SMCO1: variants seen among roughly 807,000 people sequenced by gnomAD.
SMCO1 encodes the protein single-pass membrane and coiled-coil domain-containing protein 1.
SMCO1 carries 9 observed loss-of-function variants against 7.5 expected under a neutral mutation model. The ratio of observed to expected loss-of-function variants is 1.20; its 90% CI spans 0.72 to 2.09. The LOEUF is 2.09. Ranked by LOEUF, SMCO1 falls within the 30% of genes most tolerant of loss-of-function variation. The pLI, the probability that SMCO1 is intolerant of heterozygous loss-of-function variation, is 0.00. For missense variants in SMCO1, 219 were observed against 253.1 expected (o/e 0.87, Z 0.91); for synonymous variants, 90 against 93.8 (o/e 0.96, Z 0.23).
rs1733089344 is a variant in SMCO1 at position 196,507,878 on chromosome 3, G to GGT, written c.*7_*8dup. On this transcript the variant is annotated 3_prime_UTR_variant, in exon 3 of 3. Coordinates refer to ENST00000397537, the MANE Select transcript of SMCO1 (RefSeq NM_001077657.3). ...TGTAGGTGGAATCACTGGGTCATAG[G>GGT]GTAACAGGTTAGTTTTTGACAGATG... The GGT allele has an allele frequency of 1.3e-6, 2 of 1,565,000 alleles. No individual in the cohort carries two copies. The highest frequency in any genetic ancestry group is 1.7e-6 in the Non-Finnish European group (2 of 1,143,378).
At chr3:196,516,042 A>T (rs868665923), upstream of SMCO1, among the ~76,000 whole-genome samples, 301 of 97,242 alleles carry the variant, frequency 3.1e-3, 1 homozygote, top group African/African-American at 0.012. Context: ...ATTATATATA[A>T]AATTATACAT....
intron 1 of SMCO1, among the ~76,000 whole-genome samples, chr3:196,513,956 T>C (rs1733318288): frequency 6.6e-6 from 1 of 152,164 alleles, no homozygotes; most frequent in Non-Finnish European, 1.5e-5. Context: ...AATTCTCAAC[T>C]TTTTTCTTCC....
At chr3:196,512,514 T>C (rs941649928) in intron 1 of SMCO1, among the ~76,000 whole-genome samples, 5 of 144,178 alleles carry the variant, frequency 3.5e-5, no homozygotes, top group African/African-American at 5.3e-5. Context: ...CCTTTCTTTT[T>C]TTTTTTTTTT....
upstream of SMCO1, among the ~76,000 whole-genome samples, chr3:196,517,568 A>G (rs1395586570): frequency 1.5e-5 from 2 of 134,852 alleles, no homozygotes; most frequent in South Asian, 2.4e-4. Flanking sequence ...TCCTCTATGC[A>G]TCTCTAACAG....
intron 1 of SMCO1, among the ~76,000 whole-genome samples, chr3:196,513,085 T>C (rs906194728): frequency 7.2e-5 from 11 of 152,200 alleles, no homozygotes; most frequent in South Asian, 2.1e-4. Context: ...TCACAGCAGT[T>C]TGGGAGGCCA....
rs111748876 is a variant in SMCO1, at chr3:196,511,893, C to G, written c.51-2224G>C. ...TGTCTTTATGAGGGAAACTTGCCTG[C>G]GCCAAGTAGATTGTTGTTATGAGGG... is the stretch of plus-strand genomic sequence containing the variant. On this transcript the variant is annotated intron_variant, in intron 1 of 2. Coordinates refer to ENST00000397537, the MANE Select transcript of SMCO1 (RefSeq NM_001077657.3). Among the ~76,000 whole-genome samples, 247 of 104,926 alleles carry G rather than the reference C, an allele frequency of 2.4e-3. 57 individuals carry two copies. The highest frequency in any genetic ancestry group is 0.012 in the African/African-American group (203 of 17,458). The allele number at this position is 104,926 out of a possible 152,430, so 68.8% of individuals were successfully genotyped here. A position where few individuals can be genotyped will look rare whatever the true frequency, so the allele number is the denominator to read the frequency against.
At position 196,507,970 on chromosome 3, in the gene SMCO1, C is replaced by T. The variant is rs1235585129; in HGVS notation, c.562G>A (p.Val188Ile). ...CTAACTGCTTTCCCCTTCTCAATTACCTGCACAGCCCTCAGCAAACTGTCC... is the reference window on the plus strand; with the variant it reads ...CTAACTGCTTTCCCCTTCTCAATTATCTGCACAGCCCTCAGCAAACTGTCC... ...LQDSLLRAVQ[V>I]IEKGKAVRTP... Residue 188 changes from valine to isoleucine, a missense_variant, in exon 3 of 3, where the codon GTA becomes ATA. Physicochemically the swap from Val to Ile is conservative, Grantham distance 29. Coordinates refer to ENST00000397537, the MANE Select transcript of SMCO1 (RefSeq NM_001077657.3). 1.2e-6 allele frequency: 2 copies of T among 1,614,158 alleles called. No homozygotes were observed. The highest frequency in any genetic ancestry group is 1.7e-6 in the Non-Finnish European group (2 of 1,180,038).
At chr3:196,508,603 A>C (rs111404881) in intron 2 of SMCO1, among the ~76,000 whole-genome samples, 13,789 of 151,032 alleles carry the variant, frequency 0.091, 2,138 homozygotes, top group African/African-American at 0.32. Context: ...GCTGGGATTA[A>C]AGGCGTGAGC....
intron 2 of SMCO1, among the ~76,000 whole-genome samples, chr3:196,508,708 G>T (rs1704188113): frequency 6.6e-6 from 1 of 151,042 alleles, no homozygotes; most frequent in Non-Finnish European, 1.5e-5. Flanking sequence ...AGGACGAGGT[G>T]GTTGGATCAC....
Position 196,507,956 on chromosome 3 carries a change from C to G in SMCO1, c.576G>C (p.Gly192=). ...LLRAVQVIEK[G]KAVRTPEKQK... is the part of the protein sequence containing the mutation. ...GCTTTTCAGGGGTCCTAACTGCTTT[C>G]CCCTTCTCAATTACCTGCACAGCCC... The change falls in exon 3 of 3, where the codon GGG becomes GGC. Residue 192 remains glycine, a synonymous_variant. Coordinates refer to ENST00000397537, the MANE Select transcript of SMCO1 (RefSeq NM_001077657.3). The G allele has an allele frequency of 6.2e-7, 1 of 1,614,166 alleles. No individual in the cohort carries two copies. The highest frequency in any genetic ancestry group is 1.3e-5 in the African/African-American group (1 of 75,024).
intron 1 of SMCO1, among the ~76,000 whole-genome samples, chr3:196,510,699 C>T (rs762149317): frequency 2.6e-5 from 4 of 152,178 alleles, no homozygotes; most frequent in Non-Finnish European, 5.9e-5. Flanking sequence ...TGCCCCCCTG[C>T]GTCTCGCTTA....
chr3:196,510,421 G>A (rs1004019736), intron 1 of SMCO1, among the ~76,000 whole-genome samples: 9 of 152,140 alleles, frequency 5.9e-5, no homozygotes, highest in African/African-American at 2.2e-4. Context: ...AGCTAGTGCT[G>A]AGACCAGTAT....
intron 1 of SMCO1, among the ~76,000 whole-genome samples, chr3:196,514,566 TTC>T (rs1195786760): frequency 1.3e-5 from 2 of 152,224 alleles, no homozygotes; most frequent in African/African-American, 4.8e-5. Flanking sequence ...TTTCAAACTT[TTC>T]TCTTTCCTAC....
intron 1 of SMCO1, among the ~76,000 whole-genome samples, chr3:196,511,353 T>C (rs1188931194): frequency 2.9e-4 from 36 of 122,470 alleles, no homozygotes; most frequent in South Asian, 8.8e-4. Flanking sequence ...AGTAGATTGT[T>C]GTTATGAGGG....
intron 1 of SMCO1, 40 bp from the exon 2 acceptor site, chr3:196,509,709 G>A: frequency 6.4e-7 from 1 of 1,553,784 alleles, no homozygotes; most frequent in African/African-American, 1.4e-5. Context: ...TAGGTTACAG[G>A]ACAAAACTAA....
chr3:196,517,705 T>G (rs1560286888), upstream of SMCO1, among the ~76,000 whole-genome samples: 1 of 152,180 alleles, frequency 6.6e-6, no homozygotes, highest in Non-Finnish European at 1.5e-5. Flanking sequence ...ACTCTCACTC[T>G]GTTGCCCAGG....
At chr3:196,520,145 G>A (rs1216609624), upstream of SMCO1, among the ~76,000 whole-genome samples, 2 of 152,182 alleles carry the variant, frequency 1.3e-5, no homozygotes, top group Non-Finnish European at 1.5e-5. Context: ...TTGCACAAGG[G>A]CATGGCCTTC....
At chr3:196,515,057 T>C in intron 1 of SMCO1, 103 bp downstream of exon 1, 1 of 1,370,552 alleles carries the variant, frequency 7.3e-7, no homozygotes, top group Non-Finnish European at 1.0e-6. Context: ...AGAATTCTAA[T>C]GAGCATGTCT....
At chr3:196,519,037 C>T (rs1325970533), upstream of SMCO1, among the ~76,000 whole-genome samples, 1 of 152,224 alleles carries the variant, frequency 6.6e-6, no homozygotes, top group African/African-American at 2.4e-5. Context: ...GGACTGGACT[C>T]AGCCTCCAAT....
Sources: allele counts gnomAD v4.1 joint callset (sites outside exome capture counted in the v4.1 genomes callset), GRCh38; gene constraint gnomAD v4.1.1; transcripts MANE v1.5; gene names NCBI Gene and HGNC (gene_info 2026-07-23, HGNC 2026-07-21).